GRAMD1B: variants seen among roughly 807,000 people sequenced by gnomAD.
The protein encoded by GRAMD1B is GRAM domain containing 1B.
GRAMD1B carries 37 observed loss-of-function variants against 99.7 expected under a neutral mutation model. That is an observed-to-expected ratio of 0.37 (90% confidence interval 0.29 to 0.49). GRAMD1B has a LOEUF of 0.49. Ranked by LOEUF, GRAMD1B falls within the 20% of genes least tolerant of loss-of-function variation. The pLI is 0.98. For synonymous variants in GRAMD1B, 427 were observed against 387.6 expected (o/e 1.10, Z -1.19); for missense variants, 888 against 1,009.2 (o/e 0.88, Z 1.63).
At chr11:123,572,837 G>T (rs540982444) in intron 2 of GRAMD1B, among the ~76,000 whole-genome samples, 103 of 147,846 alleles carry the variant, frequency 7.0e-4, no homozygotes, top group Non-Finnish European at 1.4e-3. Flanking sequence ...AGGGGCGCAG[G>T]TAGGCCCCGA....
chr11:123,601,414 A>T (rs969956912), intron 8 of GRAMD1B, among the ~76,000 whole-genome samples: 2 of 151,842 alleles, frequency 1.3e-5, no homozygotes, highest in Non-Finnish European at 2.9e-5. Context: ...TCCCACTCAG[A>T]TGCAGTTGGA....
chr11:123,487,622 T>A (rs1311200917), intron 2 of GRAMD1B, among the ~76,000 whole-genome samples: 1 of 152,228 alleles, frequency 6.6e-6, no homozygotes, highest in Non-Finnish European at 1.5e-5. Context: ...TTTTGTTTTT[T>A]TAGAGACAGT....
chr11:123,541,003 C>T (rs557383762), intron 2 of GRAMD1B, among the ~76,000 whole-genome samples: 8 of 151,730 alleles, frequency 5.3e-5, no homozygotes, highest in Admixed American at 3.9e-4. Context: ...AGACGGAGTT[C>T]GCTCTTGTTG....
chr11:123,559,694 A>G lies in GRAMD1B; in HGVS notation c.453-17673A>G. 3 of 984,888 alleles carry G rather than the reference A, an allele frequency of 3.0e-6. No homozygotes were observed. In the South Asian group the frequency reaches 1.4e-4, roughly 46 times the overall value. 61.0% of individuals were successfully genotyped at this position (984,888 alleles called of 1,614,324 possible). On this transcript the variant is annotated intron_variant, in intron 2 of 19. Transcript: ENST00000635736. ...GACGACTCTGCTTTGCCACGAATGTAAGTGCTTTCCCTGAGTGTTACTCTT... is the reference window on the plus strand; with the variant it reads ...GACGACTCTGCTTTGCCACGAATGTGAGTGCTTTCCCTGAGTGTTACTCTT...
At chr11:123,415,077 T>A (rs1948182768) in intron 1 of GRAMD1B, among the ~76,000 whole-genome samples, 2 of 150,818 alleles carry the variant, frequency 1.3e-5, no homozygotes, top group Admixed American at 6.6e-5. Flanking sequence ...TTTTTTCTTT[T>A]TTCTTTTCTT....
rs1444117042 is a variant in GRAMD1B, at chr11:123,623,461, C to A, written c.*866C>A. 1 of 152,220 alleles carries A rather than the reference C, an allele frequency of 6.6e-6. No homozygotes were observed. Among genetic ancestry groups the A allele is most frequent in the African/African-American group, 2.4e-5 (1 of 41,448 alleles). 9.4% of individuals were successfully genotyped at this position (152,220 alleles called of 1,614,324 possible). On this transcript the variant is annotated 3_prime_UTR_variant, in exon 20 of 20. Coordinates refer to ENST00000635736, the MANE Select transcript of GRAMD1B (RefSeq NM_001387025.1). ...GTGGAGCGTTTTCGACCTTATTAAA[C>A]CTCTTTTAGTGCTTCTAAGCAAGTC... is the stretch of plus-strand genomic sequence containing the variant.
intron 4 of GRAMD1B, among the ~76,000 whole-genome samples, chr11:123,593,357 T>C (rs1248005633): frequency 6.6e-6 from 1 of 152,140 alleles, no homozygotes; most frequent in Non-Finnish European, 1.5e-5. Context: ...CTGGGTATCA[T>C]GTTGCAGTGG....
rs73612100 is a variant in GRAMD1B at position 123,495,345 on chromosome 11, A to G, written c.452+14452A>G. On this transcript the variant is annotated intron_variant, in intron 2 of 19. Coordinates refer to ENST00000635736, the MANE Select transcript of GRAMD1B (RefSeq NM_001387025.1). ...TATGGGTTACATGAGACACTTTAAT[A>G]CAGGGATGTAATAGTCACAGCATGG... is the stretch of plus-strand genomic sequence containing the variant. Among the ~76,000 whole-genome samples the G allele has an allele frequency of 9.2e-3, 1,401 of 152,322 alleles. 19 individuals are homozygous for G. The highest frequency in any genetic ancestry group is 0.032 in the African/African-American group (1,343 of 41,566).
At chr11:123,360,846 C>T (rs1476023546) in intron 1 of GRAMD1B, among the ~76,000 whole-genome samples, 6 of 133,188 alleles carry the variant, frequency 4.5e-5, no homozygotes, top group South Asian at 2.4e-4. Flanking sequence ...CATGGAGTTT[C>T]GCTCTTATTG....
chr11:123,393,657 G>A (rs1451139251), intron 1 of GRAMD1B, among the ~76,000 whole-genome samples: 1 of 152,244 alleles, frequency 6.6e-6, no homozygotes, highest in East Asian at 1.9e-4. Flanking sequence ...CTGAGAGATT[G>A]AGAAAGCCAC....
At chr11:123,595,875 A>G (rs760502160) in intron 6 of GRAMD1B, 67 bp from the exon 7 acceptor site, 13 of 836,640 alleles carry the variant, frequency 1.6e-5, no homozygotes, top group Non-Finnish European at 2.6e-5. Flanking sequence ...CCCCCTGAAC[A>G]CTGTTTACCT....
intron 2 of GRAMD1B, among the ~76,000 whole-genome samples, chr11:123,558,421 A>G (rs1946379873): frequency 6.6e-6 from 1 of 152,204 alleles, no homozygotes; most frequent in Non-Finnish European, 1.5e-5. Context: ...TTCTAAATGT[A>G]TACTGTAAGG....
At chr11:123,543,919 T>C (rs1290818) in intron 2 of GRAMD1B, among the ~76,000 whole-genome samples, 14,555 of 152,244 alleles carry the variant, frequency 0.096, 771 homozygotes, top group East Asian at 0.15. Context: ...GACTGTGTGG[T>C]CTGCAAAGCT....
intron 2 of GRAMD1B, among the ~76,000 whole-genome samples, chr11:123,572,287 T>C (rs1197639326): frequency 2.0e-5 from 3 of 152,240 alleles, no homozygotes; most frequent in Non-Finnish European, 4.4e-5. Context: ...TGTAAGGTCT[T>C]TTTTATTTTT....
At chr11:123,461,724 C>T (rs1434930925) in intron 1 of GRAMD1B, among the ~76,000 whole-genome samples, 1 of 152,124 alleles carries the variant, frequency 6.6e-6, no homozygotes, top group Non-Finnish European at 1.5e-5. Context: ...TCTGCCTTAG[C>T]CTCCCGAGTA....
chr11:123,386,805 G>T (rs1206563729), intron 1 of GRAMD1B, among the ~76,000 whole-genome samples: 1 of 152,216 alleles, frequency 6.6e-6, no homozygotes, highest in Non-Finnish European at 1.5e-5. Context: ...ACTGGCCACA[G>T]TGCATCGGCA....
In GRAMD1B at chr11:123,480,834, G is replaced by C; in HGVS notation, c.393G>C (p.Gln131His). The change falls in exon 2 of 20, where the codon CAG becomes CAC. Residue 131 changes from glutamine (Q) to histidine (H), a missense_variant. This residue lies in a region of GRAMD1B where 233 missense variants were observed against 154.6 expected (regional missense o/e 1.51). Coordinates refer to ENST00000635736, the MANE Select transcript of GRAMD1B (RefSeq NM_001387025.1). Reference protein sequence around the residue: ...CSESSSQQSSQQSSHDDDSSR... With the variant: ...CSESSSQQSSHQSSHDDDSSR... The stretch of plus-strand genomic sequence containing the variant: ...TCCTCAGCAGCCAACAGAGCAGTCA[G>C]CAGAGCAGCCACGATGATGATTCTA... The C allele has an allele frequency of 2.5e-6, 1 of 398,986 alleles. No individual in the cohort carries two copies. The highest frequency in any genetic ancestry group is 4.4e-6 in the Non-Finnish European group (1 of 226,190). The allele number at this position is 398,986 out of a possible 1,614,324, so 24.7% of individuals were successfully genotyped here. A position where few individuals can be genotyped will look rare whatever the true frequency, so the allele number is the denominator to read the frequency against.
At chr11:123,455,901 G>T (rs961795925) in intron 1 of GRAMD1B, among the ~76,000 whole-genome samples, 1 of 152,136 alleles carries the variant, frequency 6.6e-6, no homozygotes, top group Admixed American at 6.5e-5. Flanking sequence ...CGGGTGGGGT[G>T]GCTCGCTCCT....
intron 11 of GRAMD1B, among the ~76,000 whole-genome samples, chr11:123,607,098 T>C (rs1034997560): frequency 2.0e-5 from 3 of 152,174 alleles, no homozygotes; most frequent in Non-Finnish European, 2.9e-5. Flanking sequence ...AGGCAATGTT[T>C]ATAAGCCACA....
Sources: allele counts gnomAD v4.1 joint callset (sites outside exome capture counted in the v4.1 genomes callset), GRCh38; gene constraint gnomAD v4.1.1; regional missense constraint gnomAD v4.1.1; transcripts MANE v1.5; gene names NCBI Gene and HGNC (gene_info 2026-07-23, HGNC 2026-07-21).